Variants in EPHA6 observed in about 807,000 individuals in gnomAD.
EPHA6 encodes EPH receptor A6.
In EPHA6, 50 loss-of-function variants were observed where a neutral mutation model predicts 112.0. The observed-to-expected ratio is 0.45, with a 90% CI of 0.36 to 0.56. EPHA6 has a LOEUF of 0.56. Among genes scored for constraint, EPHA6 ranks in the 20% least tolerant of loss-of-function variants. The pLI, the probability that EPHA6 is intolerant of heterozygous loss-of-function variation, is 0.00. For synonymous variants in EPHA6, 529 were observed against 490.7 expected (o/e 1.08, Z -1.03); for missense variants, 1,280 against 1,417.4 (o/e 0.90, Z 1.56).
intron 6 of EPHA6, among the ~76,000 whole-genome samples, chr3:97,426,189 G>A (rs2089106818): frequency 6.6e-6 from 1 of 152,120 alleles, no homozygotes; most frequent in Non-Finnish European, 1.5e-5. Context: ...TTCACATGCT[G>A]CTAATAAACA....
chr3:96,928,380 C>T (rs147481852), intron 2 of EPHA6, among the ~76,000 whole-genome samples: 3 of 152,200 alleles, frequency 2.0e-5, no homozygotes, highest in East Asian at 1.9e-4. Context: ...TCATTATTTA[C>T]GCGAAAGTCA....
rs1027314897 is a variant in EPHA6 at position 96,896,689 on chromosome 3, C to A, written c.450+29800C>A. Among the ~76,000 whole-genome samples the A allele has an allele frequency of 2.0e-5, 3 of 152,118 alleles. No individual in the cohort carries two copies. In the South Asian group the frequency reaches 6.2e-4, roughly 32 times the overall value. On this transcript the variant is annotated intron_variant, in intron 2 of 17. Coordinates refer to ENST00000389672, the MANE Select transcript of EPHA6 (RefSeq NM_001080448.3). ...ATTTTTGAGTTCTACTACATTTTAT[C>A]ATTTTCCTATCTTGGGAAGGAAGGG... is the stretch of plus-strand genomic sequence containing the variant.
intron 11 of EPHA6, among the ~76,000 whole-genome samples, chr3:97,544,739 T>G (rs1052101154): frequency 6.6e-6 from 1 of 152,194 alleles, no homozygotes; most frequent in Non-Finnish European, 1.5e-5. Flanking sequence ...TGTTGGTTGG[T>G]AAGCTATTGA....
chr3:97,620,376 A>G (rs549166162), intron 13 of EPHA6, among the ~76,000 whole-genome samples: 1 of 152,162 alleles, frequency 6.6e-6, no homozygotes, highest in South Asian at 2.1e-4. Flanking sequence ...TTTATGATGA[A>G]GACACCAAAA....
chr3:97,593,887 A>C (rs933291615), intron 12 of EPHA6, among the ~76,000 whole-genome samples: 7 of 152,220 alleles, frequency 4.6e-5, no homozygotes, highest in African/African-American at 1.2e-4. Context: ...ACGAGTTAAA[A>C]GATTGTAAAT....
intron 9 of EPHA6, among the ~76,000 whole-genome samples, chr3:97,482,006 C>T (rs2091566963): frequency 1.3e-5 from 2 of 152,170 alleles, no homozygotes; most frequent in South Asian, 2.1e-4. Flanking sequence ...CTCGAGACAG[C>T]CAAGGAGGTA....
intron 2 of EPHA6, among the ~76,000 whole-genome samples, chr3:96,982,426 G>T (rs1454236967): frequency 6.6e-6 from 1 of 152,138 alleles, no homozygotes; most frequent in African/African-American, 2.4e-5. Context: ...GAGACAGTTT[G>T]TTATAATTTC....
chr3:96,912,104 C>G (rs2039247663), intron 2 of EPHA6, among the ~76,000 whole-genome samples: 1 of 152,092 alleles, frequency 6.6e-6, no homozygotes, highest in Non-Finnish European at 1.5e-5. Flanking sequence ...TTCAAAGTTT[C>G]TGTTCGTTTT....
At chr3:97,619,168 A>G (rs2093791777) in intron 13 of EPHA6, among the ~76,000 whole-genome samples, 1 of 152,194 alleles carries the variant, frequency 6.6e-6, no homozygotes, top group South Asian at 2.1e-4. Context: ...CAAAAACCAC[A>G]TGATTGTCTC....
chr3:97,199,579 A>C (rs1414257073), intron 3 of EPHA6, among the ~76,000 whole-genome samples: 1 of 152,174 alleles, frequency 6.6e-6, no homozygotes, highest in African/African-American at 2.4e-5. Flanking sequence ...TGAAATTAGA[A>C]CAATGGAATC....
chr3:97,022,928 A>C (rs2044512353), intron 3 of EPHA6, among the ~76,000 whole-genome samples: 1 of 152,192 alleles, frequency 6.6e-6, no homozygotes, highest in Admixed American at 6.5e-5. Context: ...ATTTACATCC[A>C]TCATGCCCAA....
At chr3:97,250,879 C>A (rs527927233) in intron 5 of EPHA6, among the ~76,000 whole-genome samples, 7 of 146,020 alleles carry the variant, frequency 4.8e-5, no homozygotes, top group African/African-American at 1.8e-4. Flanking sequence ...TTTTTTTTCT[C>A]TTTTTTTAGA....
intron 1 of EPHA6, among the ~76,000 whole-genome samples, chr3:96,835,065 A>G (rs2034321158): frequency 6.6e-6 from 1 of 152,050 alleles, no homozygotes; most frequent in Admixed American, 6.6e-5. Context: ...AACTGACATA[A>G]TGAGTTTGAG....
chr3:96,973,755 G>T (rs185426030), intron 2 of EPHA6, among the ~76,000 whole-genome samples: 1 of 149,352 alleles, frequency 6.7e-6, no homozygotes, highest in African/African-American at 2.5e-5. Context: ...GAACCCGGGC[G>T]TGGGGGCTGC....
At chr3:97,695,473 C>T (rs375955848) in intron 14 of EPHA6, among the ~76,000 whole-genome samples, 22 of 152,200 alleles carry the variant, frequency 1.4e-4, no homozygotes, top group African/African-American at 5.1e-4. Flanking sequence ...ATCTGTAAGC[C>T]TGATAACTTC....
At chr3:97,362,278 A>ATATATATAATT (rs2084412105) in intron 5 of EPHA6, among the ~76,000 whole-genome samples, 1 of 152,148 alleles carries the variant, frequency 6.6e-6, no homozygotes, top group African/African-American at 2.4e-5. Flanking sequence ...GATATTCAGT[A>ATATATATAATT]TTGCCAATCA....
At chr3:97,217,499 A>G (rs925210806) in intron 3 of EPHA6, among the ~76,000 whole-genome samples, 1 of 152,206 alleles carries the variant, frequency 6.6e-6, no homozygotes, top group African/African-American at 2.4e-5. Context: ...TAGATTGTCA[A>G]ATAGTAGTTT....
chr3:97,701,019 C>G (rs992133021), intron 14 of EPHA6, among the ~76,000 whole-genome samples: 6 of 152,124 alleles, frequency 3.9e-5, no homozygotes, highest in South Asian at 2.1e-4. Flanking sequence ...GAAGGATGTC[C>G]CTGTTGGTGA....
At chr3:97,474,069 G>A (rs1308121991) in intron 7 of EPHA6, among the ~76,000 whole-genome samples, 1 of 151,736 alleles carries the variant, frequency 6.6e-6, no homozygotes, top group Non-Finnish European at 1.5e-5. Flanking sequence ...CTTGACAATA[G>A]TGTTGAAGGC....
Sources: allele counts gnomAD v4.1 joint callset (sites outside exome capture counted in the v4.1 genomes callset), GRCh38; gene constraint gnomAD v4.1.1; transcripts MANE v1.5; gene names NCBI Gene and HGNC (gene_info 2026-07-23, HGNC 2026-07-21).